FTO: variants seen among roughly 807,000 people sequenced by gnomAD.
The protein encoded by FTO is FTO alpha-ketoglutarate dependent dioxygenase, also known as alpha-ketoglutarate-dependent dioxygenase FTO.
In FTO, 47 loss-of-function variants were observed where a neutral mutation model predicts 63.9. The observed-to-expected ratio is 0.74, with a 90% CI of 0.58 to 0.94. The LOEUF (loss-of-function observed/expected upper bound fraction) is 0.94, where lower values mean the gene tolerates loss of function less well. Among genes scored for constraint, FTO ranks in the 40% least tolerant of loss-of-function variants. FTO has a pLI of 0.00. For synonymous variants in FTO, 207 were observed against 224.4 expected, an observed-to-expected ratio of 0.92 and a Z score of 0.69; for missense variants, 562 against 618.1, an observed-to-expected ratio of 0.91 and a Z score of 0.96.
chr16:53,943,279 A>G (rs2082575896), intron 8 of FTO, among the ~76,000 whole-genome samples: 1 of 152,172 alleles, frequency 6.6e-6, no homozygotes, highest in Non-Finnish European at 1.5e-5. Context: ...AGTGTTGTTA[A>G]TGTTATTACC....
At chr16:54,027,372 C>T (rs769340809) in intron 8 of FTO, among the ~76,000 whole-genome samples, 2 of 151,972 alleles carry the variant, frequency 1.3e-5, no homozygotes, top group African/African-American at 2.4e-5. Context: ...AATACTGATT[C>T]GATTTATCCT....
intron 8 of FTO, among the ~76,000 whole-genome samples, chr16:54,067,009 T>C (rs1433783205): frequency 6.6e-6 from 1 of 152,254 alleles, no homozygotes; most frequent in African/African-American, 2.4e-5. Flanking sequence ...GTTATTGCTC[T>C]GTCACTTTCC....
At chr16:53,862,404 A>C (rs2080200729) in intron 4 of FTO, among the ~76,000 whole-genome samples, 1 of 152,150 alleles carries the variant, frequency 6.6e-6, no homozygotes, top group African/African-American at 2.4e-5. Flanking sequence ...GTAGTATTTT[A>C]TATTTAATTT....
chr16:54,015,964 CT>C (rs58773918), intron 8 of FTO, among the ~76,000 whole-genome samples: 32,463 of 152,130 alleles, frequency 0.21, 3,920 homozygotes, highest in East Asian at 0.36. Flanking sequence ...TGACAACCGG[CT>C]GGCCTTACCT....
intron 8 of FTO, among the ~76,000 whole-genome samples, chr16:54,005,394 T>A (rs1192416401): frequency 3.4e-5 from 5 of 148,478 alleles, no homozygotes; most frequent in African/African-American, 1.2e-4. Flanking sequence ...AATATATTTT[T>A]AAAATATGTA....
At chr16:53,732,775 C>A (rs910284457) in intron 1 of FTO, among the ~76,000 whole-genome samples, 1 of 152,038 alleles carries the variant, frequency 6.6e-6, no homozygotes, top group Non-Finnish European at 1.5e-5. Context: ...TTCTGTTTAC[C>A]CATGGAAATG....
At chr16:54,107,344 T>C (rs879633992) in intron 8 of FTO, among the ~76,000 whole-genome samples, 9 of 152,146 alleles carry the variant, frequency 5.9e-5, no homozygotes, top group Admixed American at 3.3e-4. Flanking sequence ...CAGTAGGACT[T>C]GGGAATGACA....
intron 1 of FTO, among the ~76,000 whole-genome samples, chr16:53,718,882 A>G (rs2075961099): frequency 6.6e-6 from 1 of 152,212 alleles, no homozygotes; most frequent in Non-Finnish European, 1.5e-5. Flanking sequence ...AAGATGGGTC[A>G]GTATCAGGGA....
chr16:53,882,389 CAG>C (rs2080863076), intron 6 of FTO, among the ~76,000 whole-genome samples: 1 of 135,532 alleles, frequency 7.4e-6, no homozygotes, highest in Non-Finnish European at 1.6e-5. Context: ...AAAAAAAAAA[CAG>C]AGCAAGATGA....
At position 54,120,198 on chromosome 16, in the gene FTO, G is replaced by A. The variant is rs1363059665; in HGVS notation, c.*8283G>A. ...ACCCAGCAGAAAACAATAGATGTGT[G>A]GCTGTGTCAGGGGCATCCTCACTGG... On this transcript the variant is annotated 3_prime_UTR_variant, in exon 9 of 9. Coordinates refer to ENST00000471389, the MANE Select transcript of FTO (RefSeq NM_001080432.3). The A allele has an allele frequency of 2.0e-5, 3 of 152,216 alleles. No homozygotes were observed. The highest frequency in any genetic ancestry group is 4.4e-5 in the Non-Finnish European group (3 of 68,050). The allele number at this position is 152,216 out of a possible 1,614,324, so 9.4% of individuals were successfully genotyped here.
intron 1 of FTO, among the ~76,000 whole-genome samples, chr16:53,761,089 C>CCTTTTCTTT (rs1274676183): frequency 6.6e-6 from 1 of 150,488 alleles, no homozygotes; most frequent in East Asian, 2.0e-4. Context: ...TCCTTTTCTT[C>CCTTTTCTTT]CTTTTCTTTC....
intron 4 of FTO, among the ~76,000 whole-genome samples, chr16:53,862,538 C>CT (rs371654853): frequency 0.087 from 11,382 of 130,328 alleles, 592 homozygotes; most frequent in Non-Finnish European, 0.097. Flanking sequence ...CTGTATCTTA[C>CT]TTTTTTTTTT....
intron 8 of FTO, 136 bp downstream of exon 8, chr16:53,934,245 G>C: frequency 1.2e-6 from 1 of 860,524 alleles, no homozygotes; most frequent in Non-Finnish European, 1.9e-6. Flanking sequence ...GATGCTTTCA[G>C]CTAAAGTTAG....
intron 7 of FTO, among the ~76,000 whole-genome samples, chr16:53,921,441 T>G (rs1315203996): frequency 6.6e-6 from 1 of 152,206 alleles, no homozygotes; most frequent in Non-Finnish European, 1.5e-5. Context: ...CTCAATTATT[T>G]CGTACTTGGT....
chr16:54,071,621 T>G (rs987044018), intron 8 of FTO: 59 of 152,140 alleles, frequency 3.9e-4, no homozygotes, highest in African/African-American at 1.3e-3. Context: ...GGCTGTAGGT[T>G]TAGCCAGTAA....
chr16:53,910,253 G>C (rs1000942311), intron 7 of FTO, among the ~76,000 whole-genome samples: 4 of 152,138 alleles, frequency 2.6e-5, no homozygotes, highest in Non-Finnish European at 5.9e-5. Context: ...CAAGTAGAGG[G>C]GGGAGAATGG....
At chr16:54,102,301 A>G (rs1461968221) in intron 8 of FTO, among the ~76,000 whole-genome samples, 1 of 152,220 alleles carries the variant, frequency 6.6e-6, no homozygotes, top group Non-Finnish European at 1.5e-5. Context: ...GGGAGCTCTT[A>G]ACCATGATTT....
intron 1 of FTO, among the ~76,000 whole-genome samples, chr16:53,707,232 C>T (rs182697209): frequency 6.6e-6 from 1 of 152,338 alleles, no homozygotes; most frequent in East Asian, 1.9e-4. Flanking sequence ...CCTCTTCCAG[C>T]TTCTAGTGTC....
At chr16:53,740,139 A>G (rs993854101) in intron 1 of FTO, among the ~76,000 whole-genome samples, 1 of 152,218 alleles carries the variant, frequency 6.6e-6, no homozygotes, top group African/African-American at 2.4e-5. Context: ...CATATGGTAA[A>G]TGTTAACAAG....
Sources: allele counts gnomAD v4.1 joint callset (sites outside exome capture counted in the v4.1 genomes callset), GRCh38; gene constraint gnomAD v4.1.1; transcripts MANE v1.5; gene names NCBI Gene and HGNC (gene_info 2026-07-23, HGNC 2026-07-21).